TMEM45B: variants seen among roughly 807,000 people sequenced by gnomAD.
TMEM45B encodes transmembrane protein 45B.
Under a neutral mutation model 27.3 loss-of-function variants are expected in TMEM45B, and 29 were observed. That is an observed-to-expected ratio of 1.06 (90% CI 0.79 to 1.45). The LOEUF is 1.45. Ranked by LOEUF, TMEM45B falls within the 40% of genes most tolerant of loss-of-function variation. The pLI is 0.00. For missense variants in TMEM45B, 348 were observed against 343.9 expected, an observed-to-expected ratio of 1.01 and a Z score of -0.09; for synonymous variants, 143 against 134.7, an observed-to-expected ratio of 1.06 and a Z score of -0.43.
chr11:129,853,687 C>T (rs56927849), intron 2 of TMEM45B, among the ~76,000 whole-genome samples: 1 of 151,728 alleles, frequency 6.6e-6, no homozygotes, highest in Non-Finnish European at 1.5e-5. Context: ...AGGAGATACA[C>T]TGGGGAACCA....
At chr11:129,837,850 C>T (rs1947643723) in intron 1 of TMEM45B, among the ~76,000 whole-genome samples, 1 of 134,644 alleles carries the variant, frequency 7.4e-6, no homozygotes, top group Non-Finnish European at 1.5e-5. Context: ...GGCTCAATCT[C>T]AGCTCACTGT....
chr11:129,826,604 C>G (rs1172195363), intron 1 of TMEM45B, among the ~76,000 whole-genome samples: 2 of 146,134 alleles, frequency 1.4e-5, no homozygotes, highest in Non-Finnish European at 3.0e-5. Flanking sequence ...CTCAAGGTCA[C>G]AGAGTGAATT....
intron 4 of TMEM45B, 23 bp from the exon 5 acceptor site, chr11:129,857,289 CA>C: frequency 6.2e-7 from 1 of 1,610,848 alleles, no homozygotes; most frequent in Non-Finnish European, 8.5e-7. Context: ...ACCACAAGAC[CA>C]ACTTCTCTCT....
intron 1 of TMEM45B, among the ~76,000 whole-genome samples, chr11:129,848,722 T>C (rs1204479052): frequency 6.6e-6 from 1 of 152,180 alleles, no homozygotes; most frequent in Non-Finnish European, 1.5e-5. Context: ...CTTGTGCTGC[T>C]ACAACAAAAT....
chr11:129,836,497 G>A (rs890645482), intron 1 of TMEM45B, among the ~76,000 whole-genome samples: 2 of 152,168 alleles, frequency 1.3e-5, no homozygotes, highest in African/African-American at 2.4e-5. Flanking sequence ...GGCTGAGTGT[G>A]CTCTCTCCAA....
rs1947969723 is a variant in TMEM45B at position 129,858,911 on chromosome 11, T to G, written c.*226T>G. ...TACTATAAAGTCTGTGTTGGTATAG[T>G]ACCCTTCATAAGGAAAAATGAAGTA... is the stretch of plus-strand genomic sequence containing the variant. On this transcript the variant is annotated 3_prime_UTR_variant, in exon 6 of 6. Transcript: ENST00000281441. 2 of 277,220 alleles carry G rather than the reference T, an allele frequency of 7.2e-6. No individual in the cohort carries two copies. The highest frequency in any genetic ancestry group is 1.7e-4 in the South Asian group (2 of 11,986). 17.2% of individuals were successfully genotyped at this position (277,220 alleles called of 1,614,324 possible).
chr11:129,817,486 G>A (rs762841432), intron 1 of TMEM45B, among the ~76,000 whole-genome samples: 2 of 152,220 alleles, frequency 1.3e-5, no homozygotes, highest in Non-Finnish European at 2.9e-5. Flanking sequence ...AGGTGACTGA[G>A]ATAAGCAGAA....
chr11:129,826,578 G>C (rs1947485699), intron 1 of TMEM45B, among the ~76,000 whole-genome samples: 2 of 108,806 alleles, frequency 1.8e-5, no homozygotes, highest in African/African-American at 3.1e-5. Flanking sequence ...AGGACCCTGA[G>C]AGGCTATGTG....
chr11:129,858,775 C>A lies in TMEM45B; in HGVS notation c.*90C>A. The A allele has an allele frequency of 1.1e-6, 1 of 942,586 alleles. No individual in the cohort carries two copies. The highest frequency in any genetic ancestry group is 1.6e-6 in the Non-Finnish European group (1 of 625,130). 58.4% of individuals were successfully genotyped at this position (942,586 alleles called of 1,614,324 possible). A position where few individuals can be genotyped will look rare whatever the true frequency, so the allele number is the denominator to read the frequency against. On this transcript the variant is annotated 3_prime_UTR_variant, in exon 6 of 6. Transcript: ENST00000281441. ...ACCTGAATGCCTGCTGTGGTCTGAT[C>A]TTAAGGGTCTATATATTTGCACCTC... is the stretch of plus-strand genomic sequence containing the variant.
intron 1 of TMEM45B, among the ~76,000 whole-genome samples, chr11:129,825,727 T>A (rs1179528881): frequency 6.6e-6 from 1 of 152,120 alleles, no homozygotes; most frequent in Non-Finnish European, 1.5e-5. Context: ...TGGTAGTGGA[T>A]GCTGAGGGAA....
At chr11:129,832,113 G>T (rs1036459865) in intron 1 of TMEM45B, among the ~76,000 whole-genome samples, 1 of 143,510 alleles carries the variant, frequency 7.0e-6, no homozygotes, top group Non-Finnish European at 1.5e-5. Context: ...GCTCACGCCT[G>T]TAATCCCAGC....
chr11:129,850,148 C>T (rs1469064946), intron 1 of TMEM45B, among the ~76,000 whole-genome samples: 1 of 121,072 alleles, frequency 8.3e-6, no homozygotes, highest in Non-Finnish European at 1.8e-5. Flanking sequence ...TCTTTTCTCA[C>T]GTTTTTTTTT....
chr11:129,818,781 G>C (rs1232520732), intron 1 of TMEM45B, among the ~76,000 whole-genome samples: 1 of 152,192 alleles, frequency 6.6e-6, no homozygotes, highest in African/African-American at 2.4e-5. Flanking sequence ...ATATCTTAGA[G>C]CTGAGTATAA....
chr11:129,832,327 A>G (rs1278813192), intron 1 of TMEM45B, among the ~76,000 whole-genome samples: 2 of 146,898 alleles, frequency 1.4e-5, no homozygotes, highest in Non-Finnish European at 3.0e-5. Flanking sequence ...CCGAGATCGC[A>G]CCACTGCACT....
At chr11:129,852,705 C>T (rs1192801790) in intron 2 of TMEM45B, 45 bp downstream of exon 2, 25 of 1,547,322 alleles carry the variant, frequency 1.6e-5, no homozygotes, top group African/African-American at 2.7e-5. Flanking sequence ...CTCATCATAC[C>T]CAGAACCTTT....
In TMEM45B at chr11:129,858,438, G is replaced by C. The variant is rs938296393; in HGVS notation, c.717-136G>C. ...TGATGAATATTTCCTAAGAAGTCTA[G>C]TTTATAGACATGTAATCACAGTATT... is the stretch of plus-strand genomic sequence containing the variant. On this transcript the variant is annotated intron_variant, in intron 5 of 5. Coordinates refer to ENST00000281441, the MANE Select transcript of TMEM45B (RefSeq NM_138788.5). 8 of 573,294 alleles carry C rather than the reference G, an allele frequency of 1.4e-5. No homozygotes were observed. In the African/African-American group the frequency reaches 1.5e-4, roughly 11 times the overall value. The allele number at this position is 573,294 out of a possible 1,614,324, so 35.5% of individuals were successfully genotyped here. A position where few individuals can be genotyped will look rare whatever the true frequency, so the allele number is the denominator to read the frequency against.
chr11:129,827,435 G>A (rs183424244), intron 1 of TMEM45B, among the ~76,000 whole-genome samples: 45 of 152,296 alleles, frequency 3.0e-4, no homozygotes, highest in Non-Finnish European at 5.0e-4. Context: ...GCACATTACC[G>A]TACCACACAC....
Position 129,826,567 on chromosome 11 carries a change from A to AAAAAAAAAAAAAAAAGAAAAAT in TMEM45B, c.-9+10670_-9+10671insAAAAAAAAAAAAAAGAAAAATA, listed in dbSNP as rs1199881268. 6.8e-4 allele frequency among the ~76,000 whole-genome samples: 65 copies of AAAAAAAAAAAAAAAAGAAAAAT among 96,084 alleles called. 5 individuals carry two copies. Among genetic ancestry groups the AAAAAAAAAAAAAAAAGAAAAAT allele is most frequent in the East Asian group, 2.7e-3 (8 of 2,924 alleles). The allele number at this position is 96,084 out of a possible 152,430, so 63.0% of individuals were successfully genotyped here. A position where few individuals can be genotyped will look rare whatever the true frequency, so the allele number is the denominator to read the frequency against. ...CTGTCACAAAAAAAAAAAAAAAAAA[A>AAAAAAAAAAAAAAAAGAAAAAT]AGGACCCTGAGAGGCTATGTGTCTT... On this transcript the variant is annotated intron_variant, in intron 1 of 5. Transcript: ENST00000281441.
In TMEM45B at chr11:129,852,531, A is replaced by T. The variant is rs912266722; in HGVS notation, c.49A>T (p.Ile17Phe). The change falls in exon 2 of 6, where the codon ATT becomes TTT. Residue 17 changes from isoleucine to phenylalanine, a missense_variant. Coordinates refer to ENST00000281441, the MANE Select transcript of TMEM45B (RefSeq NM_138788.5). ...HALPGSFFLI[I>F]GLCWSVKYPL... ...GCTTCCAGGGAGTTTCTTCCTGATC[A>T]TTGGGCTGTGTTGGTCAGTGAAGTA... 1 of 1,612,370 alleles carries T rather than the reference A, an allele frequency of 6.2e-7. No individual in the cohort carries two copies. Among genetic ancestry groups the T allele is most frequent in the Admixed American group, 1.7e-5 (1 of 60,000 alleles).
Sources: allele counts gnomAD v4.1 joint callset (sites outside exome capture counted in the v4.1 genomes callset), GRCh38; gene constraint gnomAD v4.1.1; transcripts MANE v1.5; gene names NCBI Gene and HGNC (gene_info 2026-07-23, HGNC 2026-07-21).